The following ANKRD29 variants were observed in gnomAD, a reference collection of about 807,000 sequenced individuals.
ANKRD29 encodes ankyrin repeat domain-containing protein 29.
In ANKRD29, 32 loss-of-function variants were observed where a neutral mutation model predicts 38.0. The ratio of observed to expected loss-of-function variants is 0.84; its 90% CI spans 0.64 to 1.13. The LOEUF (loss-of-function observed/expected upper bound fraction) is 1.13. Ranked by LOEUF, ANKRD29 falls within the 50% of genes most tolerant of loss-of-function variation. The probability of loss-of-function intolerance (pLI) is 0.00; values close to 1 mark genes in which losing one functional copy is unlikely to be tolerated. For synonymous variants in ANKRD29, 135 were observed against 152.4 expected (o/e 0.89, Z 0.84); for missense variants, 357 against 377.9 (o/e 0.94, Z 0.46).
chr18:23,644,933 G>C (rs2060119598), intron 3 of ANKRD29, among the ~76,000 whole-genome samples: 1 of 152,164 alleles, frequency 6.6e-6, no homozygotes, highest in Admixed American at 6.5e-5. Flanking sequence ...GTTACACCTG[G>C]AACTCTTGAC....
chr18:23,658,269 A>T (rs899676292), intron 1 of ANKRD29, among the ~76,000 whole-genome samples: 1 of 152,128 alleles, frequency 6.6e-6, no homozygotes, highest in African/African-American at 2.4e-5. Context: ...TTAGCCAGGC[A>T]TGGTGGTGCA....
intron 6 of ANKRD29, among the ~76,000 whole-genome samples, chr18:23,623,517 G>A (rs989447445): frequency 2.6e-5 from 4 of 151,952 alleles, no homozygotes; most frequent in African/African-American, 9.7e-5. Context: ...GGGTGCAGTG[G>A]CTCACACCTG....
chr18:23,649,546 G>T (rs770819891), intron 1 of ANKRD29: 10 of 506,152 alleles, frequency 2.0e-5, no homozygotes, highest in East Asian at 5.5e-5. Context: ...GGCTCTGCTC[G>T]AATGCTATTT....
chr18:23,640,657 C>A (rs1288042046), intron 3 of ANKRD29, among the ~76,000 whole-genome samples: 1 of 152,190 alleles, frequency 6.6e-6, no homozygotes, highest in African/African-American at 2.4e-5. Context: ...CCCTTCCTAT[C>A]TACTTTTACA....
At position 23,600,439 on chromosome 18, in the gene ANKRD29, A is replaced by C. The variant is rs971377699; in HGVS notation, c.*787T>G. 4 of 152,264 alleles carry C rather than the reference A, an allele frequency of 2.6e-5. No individual in the cohort carries two copies. Among genetic ancestry groups the C allele is most frequent in the Non-Finnish European group, 5.9e-5 (4 of 68,046 alleles). 9.4% of individuals were successfully genotyped at this position (152,264 alleles called of 1,614,324 possible). ...TTCCCAACAATAGAGCCAAAATAAA[A>C]GACCAAAGAGACAAGCCTATATATT... On this transcript the variant is annotated 3_prime_UTR_variant, in exon 10 of 10. Transcript: ENST00000592179.
chr18:23,654,692 T>C (rs1030901201), intron 1 of ANKRD29, among the ~76,000 whole-genome samples: 5 of 151,688 alleles, frequency 3.3e-5, no homozygotes, highest in Non-Finnish European at 5.9e-5. Context: ...ATTTTACACC[T>C]TGTAGAAAAT....
At chr18:23,632,717 A>T (rs2059949861) in intron 5 of ANKRD29, among the ~76,000 whole-genome samples, 1 of 152,100 alleles carries the variant, frequency 6.6e-6, no homozygotes, top group African/African-American at 2.4e-5. Context: ...GTATTTTTTT[A>T]AACTTTCCCA....
chr18:23,662,681 G>A (rs1240038095), intron 1 of ANKRD29, 29 bp downstream of exon 1: 1 of 1,280,658 alleles, frequency 7.8e-7, no homozygotes, highest in Admixed American at 3.4e-5. Flanking sequence ...CCCGGCCCCA[G>A]CCCTGACCCC....
chr18:23,634,234 A>C, intron 4 of ANKRD29, 85 bp from the exon 5 acceptor site: 1 of 926,680 alleles, frequency 1.1e-6, no homozygotes, highest in East Asian at 3.6e-5. Context: ...CATAGAATTT[A>C]GGAAGAGAGT....
Position 23,631,987 on chromosome 18 carries a change from T to C in ANKRD29, c.430-2036A>G, listed in dbSNP as rs146776432. Among the ~76,000 whole-genome samples the C allele has an allele frequency of 2.1e-3, 314 of 152,228 alleles. 2 individuals are homozygous for C. The highest frequency in any genetic ancestry group is 6.5e-3 in the African/African-American group (271 of 41,534). On this transcript the variant is annotated intron_variant, in intron 5 of 9. Coordinates refer to ENST00000592179, the MANE Select transcript of ANKRD29 (RefSeq NM_173505.4). ...ACCCAGCTAATTACCACACCTCCCA[T>C]TGGGAACACTAACCTCAAGCAAAAA...
intron 3 of ANKRD29, among the ~76,000 whole-genome samples, chr18:23,641,904 C>A (rs532930562): frequency 6.6e-6 from 1 of 152,050 alleles, no homozygotes; most frequent in Non-Finnish European, 1.5e-5. Context: ...ACCCAGATAT[C>A]GGGACTACCA....
intron 4 of ANKRD29, among the ~76,000 whole-genome samples, chr18:23,634,868 A>C (rs1362559873): frequency 6.6e-6 from 1 of 152,192 alleles, no homozygotes; most frequent in Non-Finnish European, 1.5e-5. Context: ...TCCTGGGGAA[A>C]CGCCGTCTTC....
At chr18:23,624,466 CAAAAAAAAAAAAAAAA>C (rs56005663) in intron 6 of ANKRD29, among the ~76,000 whole-genome samples, 36 of 32,444 alleles carry the variant, frequency 1.1e-3, no homozygotes, top group South Asian at 3.2e-3. Flanking sequence ...GACTCCATCT[CAAAAAAAAAAAAAAAA>C]AAAAAAAAAA....
rs901852370 is a variant in ANKRD29 at position 23,662,878 on chromosome 18, C to G, written c.-148G>C. The G allele has an allele frequency of 2.1e-4, 137 of 659,426 alleles. No individual in the cohort carries two copies. The highest frequency in any genetic ancestry group is 8.2e-5 in the Non-Finnish European group (43 of 523,302). 40.8% of individuals were successfully genotyped at this position (659,426 alleles called of 1,614,324 possible). ...TCCCGCCGCCCGGCCCGGCAGCAGC[C>G]GCCGCACACAGGGCCGGGCCGAAGG... On this transcript the variant is annotated 5_prime_UTR_variant, in exon 1 of 10. Transcript: ENST00000592179.
chr18:23,599,390 T>G lies in ANKRD29; in HGVS notation c.*1836A>C, dbSNP rs1198710380. ...TTAGTGAAAAACAGTAAGTTTGTGA[T>G]TCATCCCATTTTGGCTTTTGGAACT... On this transcript the variant is annotated 3_prime_UTR_variant, in exon 10 of 10. Coordinates refer to ENST00000592179, the MANE Select transcript of ANKRD29 (RefSeq NM_173505.4). The G allele has an allele frequency of 6.6e-6, 1 of 152,236 alleles. No homozygotes were observed. Among genetic ancestry groups the G allele is most frequent in the Non-Finnish European group, 1.5e-5 (1 of 68,032 alleles). 9.4% of individuals were successfully genotyped at this position (152,236 alleles called of 1,614,324 possible).
In ANKRD29 at chr18:23,646,267, C is replaced by A. The variant is rs1221185764; in HGVS notation, c.153G>T (p.Met51Ile). 2 of 1,613,996 alleles carry A rather than the reference C, an allele frequency of 1.2e-6. No homozygotes were observed. Among genetic ancestry groups the A allele is most frequent in the Non-Finnish European group, 1.7e-6 (2 of 1,180,020 alleles). The change falls in exon 3 of 10, where the codon ATG becomes ATT. Residue 51 changes from methionine to isoleucine, a missense_variant. Transcript: ENST00000592179. ...CTATGTGGCCAGCGTAGGCAGCAAC[C>A]ATCAGGAGTGTGGTGCCATGCTGGA... is the stretch of plus-strand genomic sequence containing the variant. ...CRDSHGTTLL[M>I]VAAYAGHIDC...
In ANKRD29 at chr18:23,599,435, C is replaced by A. The variant is rs1009416921; in HGVS notation, c.*1791G>T. 3.3e-5 allele frequency: 5 copies of A among 152,182 alleles called. No homozygotes were observed. The highest frequency in any genetic ancestry group is 1.2e-4 in the African/African-American group (5 of 41,454). The allele number at this position is 152,182 out of a possible 1,614,324, so 9.4% of individuals were successfully genotyped here. A position where few individuals can be genotyped will look rare whatever the true frequency, so the allele number is the denominator to read the frequency against. ...GGAACTTTGTTATCAGTACCCATAACGTTTTGCTTTGTATCAGTGATTAGC... is the reference window on the plus strand; with the variant it reads ...GGAACTTTGTTATCAGTACCCATAAAGTTTTGCTTTGTATCAGTGATTAGC... On this transcript the variant is annotated 3_prime_UTR_variant, in exon 10 of 10. Transcript: ENST00000592179.
rs142990656 is a variant in ANKRD29 at position 23,635,176 on chromosome 18, G to A, written c.331-1027C>T. Among the ~76,000 whole-genome samples, 272 of 151,992 alleles carry A rather than the reference G, an allele frequency of 1.8e-3. 2 individuals are homozygous for A. Among genetic ancestry groups the A allele is most frequent in the African/African-American group, 4.9e-3 (204 of 41,436 alleles). ...CCCAGCAACTTGGGAGGCTGGGGTC[G>A]GAAGATCAATTGAGCCCAGGAAGTG... On this transcript the variant is annotated intron_variant, in intron 4 of 9. Transcript: ENST00000592179.
intron 5 of ANKRD29, among the ~76,000 whole-genome samples, chr18:23,630,179 C>G (rs1169602238): frequency 6.6e-6 from 1 of 152,030 alleles, no homozygotes; most frequent in Non-Finnish European, 1.5e-5. Flanking sequence ...AATCCTAGCA[C>G]TTTGGGAGGC....
Sources: allele counts gnomAD v4.1 joint callset (sites outside exome capture counted in the v4.1 genomes callset), GRCh38; gene constraint gnomAD v4.1.1; transcripts MANE v1.5; gene names NCBI Gene and HGNC (gene_info 2026-07-23, HGNC 2026-07-21).